PIEZO2: variants seen among roughly 807,000 people sequenced by gnomAD.
The protein encoded by PIEZO2 is piezo type mechanosensitive ion channel component 2.
In PIEZO2, 172 loss-of-function variants were observed where a neutral mutation model predicts 337.3. The observed-to-expected ratio is 0.51, with a 90% CI of 0.45 to 0.58. The LOEUF (loss-of-function observed/expected upper bound fraction) is 0.58, where lower values mean the gene tolerates loss of function less well. Ranked by LOEUF, PIEZO2 falls within the 20% of genes least tolerant of loss-of-function variation. PIEZO2 has a pLI of 0.00. For missense variants in PIEZO2, 3,028 were observed against 3,391.3 expected (o/e 0.89, Z 2.66); for synonymous variants, 1,251 against 1,228.5 (o/e 1.02, Z -0.38).
intron 3 of PIEZO2, among the ~76,000 whole-genome samples, chr18:10,918,460 C>T (rs181694775): frequency 1.5e-3 from 223 of 151,950 alleles, no homozygotes; most frequent in Non-Finnish European, 1.9e-3. Flanking sequence ...CCCATGTATC[C>T]TTTATCAGTT....
In PIEZO2 at chr18:11,066,216, G is replaced by A. The variant is rs759000106; in HGVS notation, c.71C>T (p.Ala24Val). The A allele has an allele frequency of 3.3e-6, 5 of 1,533,516 alleles. No homozygotes were observed. The African/African-American group carries it at 5.5e-5, about 17-fold the overall frequency. The allele number at this position is 1,533,516 out of a possible 1,614,324, so 95.0% of individuals were successfully genotyped here. The stretch of plus-strand genomic sequence containing the variant: ...AAAGGAGAGCCCATTGTATCGGAAT[G>A]CACATGCTGTGGGTGGGAAGAGAGA... ...LLPICLAVAC[A>V]FRYNGLSFVY... The change falls in exon 2 of 56, where the codon GCA becomes GTA. Residue 24 changes from alanine (A) to valine (V), a missense_variant. By Grantham distance (64) the Ala-to-Val change is moderately conservative. Coordinates refer to ENST00000674853, the MANE Select transcript of PIEZO2 (RefSeq NM_001378183.1).
chr18:10,802,170 T>C (rs559856026), intron 9 of PIEZO2, among the ~76,000 whole-genome samples: 6 of 152,064 alleles, frequency 3.9e-5, no homozygotes, highest in Non-Finnish European at 8.8e-5. Flanking sequence ...ATTTGCATAC[T>C]GTCTACAACA....
intron 1 of PIEZO2, among the ~76,000 whole-genome samples, chr18:11,074,121 C>T (rs1358452431): frequency 6.6e-6 from 1 of 152,222 alleles, no homozygotes; most frequent in Non-Finnish European, 1.5e-5. Context: ...GCTAGGATTA[C>T]AGGCATGAGC....
Position 10,795,343 on chromosome 18 carries a change from TTTATTTTA to T in PIEZO2, c.1528-349_1528-342del, listed in dbSNP as rs1568066489. ...TTTATTTTATTTTATTTTATTTTAT[TTTATTTTA>T]TTATTTTATTTTATTTTATTTTATT... On this transcript the variant is annotated intron_variant, in intron 12 of 55. Coordinates refer to ENST00000674853, the MANE Select transcript of PIEZO2 (RefSeq NM_001378183.1). The surrounding 1 kb of genome is among the most constrained non-coding windows in gnomAD (Gnocchi z 4.4). Among the ~76,000 whole-genome samples, 1,260 of 24,570 alleles carry T rather than the reference TTTATTTTA, an allele frequency of 0.051. 40 individuals carry two copies. The highest frequency in any genetic ancestry group is 0.13 in the African/African-American group (1,173 of 9,160). 16.1% of individuals were successfully genotyped at this position (24,570 alleles called of 152,430 possible).
chr18:10,855,517 C>A lies in PIEZO2; in HGVS notation c.753G>T (p.Leu251Phe), dbSNP rs1167583764. Residue 251 changes from leucine to phenylalanine, a missense_variant, in exon 7 of 56, where the codon TTG (leucine) becomes TTT (phenylalanine). Leu to Phe is a conservative substitution (Grantham distance 22). Coordinates refer to ENST00000674853, the MANE Select transcript of PIEZO2 (RefSeq NM_001378183.1). This position sits in a 1 kb window ranked among gnomAD's most constrained non-coding sequence, Gnocchi z 4.9. ...LTSSVYFFVF[L>F]GLCTWWSWCR... ...ACCAGGACCACCAGGTGCACAGACCCAAAAATACAAAAAAATACACAGATG... is the reference window on the plus strand; with the variant it reads ...ACCAGGACCACCAGGTGCACAGACCAAAAAATACAAAAAAATACACAGATG... The A allele has an allele frequency of 6.5e-7, 1 of 1,536,486 alleles. No homozygotes were observed. The highest frequency in any genetic ancestry group is 8.7e-7 in the Non-Finnish European group (1 of 1,146,730).
intron 4 of PIEZO2, chr18:10,908,568 T>TATACA (rs1193101917): frequency 6.6e-6 from 1 of 152,248 alleles, no homozygotes; most frequent in Non-Finnish European, 1.5e-5. Context: ...CAACTGTAAA[T>TATACA]ATACAAGAAC....
chr18:10,876,684 C>T (rs2042277765), intron 4 of PIEZO2, among the ~76,000 whole-genome samples: 1 of 152,144 alleles, frequency 6.6e-6, no homozygotes, highest in Non-Finnish European at 1.5e-5. Flanking sequence ...AATGTGGAAA[C>T]CAATGAGTTT....
intron 4 of PIEZO2, among the ~76,000 whole-genome samples, chr18:10,900,778 T>C (rs1324215491): frequency 2.0e-5 from 3 of 152,080 alleles, no homozygotes; most frequent in African/African-American, 7.2e-5. Context: ...GAATGGAAAA[T>C]AGACGTGCTC....
chr18:11,042,730 T>A (rs1422114252), intron 2 of PIEZO2, among the ~76,000 whole-genome samples: 1 of 152,220 alleles, frequency 6.6e-6, no homozygotes, highest in Admixed American at 6.5e-5. Flanking sequence ...GGTCTCAGAT[T>A]TGCTCAGATG....
At chr18:11,060,814 A>AT (rs2037923832) in intron 2 of PIEZO2, among the ~76,000 whole-genome samples, 2 of 152,202 alleles carry the variant, frequency 1.3e-5, no homozygotes, top group African/African-American at 4.8e-5. Context: ...TCACAGCCGA[A>AT]TTCTACCAGA....
chr18:10,897,301 C>T (rs561331387), intron 4 of PIEZO2, among the ~76,000 whole-genome samples: 1 of 152,250 alleles, frequency 6.6e-6, no homozygotes, highest in Admixed American at 6.5e-5. Flanking sequence ...ATTCTCCTGC[C>T]TCAGCCTCCC....
At chr18:11,065,480 T>A (rs1314680700) in intron 2 of PIEZO2, among the ~76,000 whole-genome samples, 1 of 152,258 alleles carries the variant, frequency 6.6e-6, no homozygotes, top group Non-Finnish European at 1.5e-5. Context: ...AACCAGAGCA[T>A]GTTTCCTAAT....
At chr18:10,902,529 C>T (rs2043076224) in intron 4 of PIEZO2, among the ~76,000 whole-genome samples, 1 of 152,160 alleles carries the variant, frequency 6.6e-6, no homozygotes, top group Admixed American at 6.5e-5. Context: ...ATGTTTACAT[C>T]AGATTCTCTA....
At chr18:10,869,232 A>G (rs1361962325) in intron 5 of PIEZO2, among the ~76,000 whole-genome samples, 1 of 152,206 alleles carries the variant, frequency 6.6e-6, no homozygotes. Flanking sequence ...AGAAGAAACA[A>G]TTGTCTCAGC....
intron 3 of PIEZO2, among the ~76,000 whole-genome samples, chr18:10,949,315 A>T (rs1473038879): frequency 6.6e-6 from 1 of 152,246 alleles, no homozygotes; most frequent in African/African-American, 2.4e-5. Flanking sequence ...AATACACCCT[A>T]CAAAAACAAG....
chr18:11,133,773 ATACT>A (rs1170671018), intron 1 of PIEZO2, among the ~76,000 whole-genome samples: 1 of 151,056 alleles, frequency 6.6e-6, no homozygotes, highest in African/African-American at 2.4e-5. Flanking sequence ...GCGTAAGTTA[ATACT>A]TAATAAACTC....
chr18:11,112,463 A>G lies in PIEZO2; in HGVS notation c.64+36062T>C, dbSNP rs1404073062. On this transcript the variant is annotated intron_variant, in intron 1 of 55. Transcript: ENST00000674853. This position sits in a 1 kb window ranked among gnomAD's most constrained non-coding sequence, Gnocchi z 4.3. ...CCAAAATATGTACTCCAACTCCATC[A>G]TTTATTTACATGGAACTACTGAGAG... 6.6e-6 allele frequency among the ~76,000 whole-genome samples: 1 copy of G among 152,208 alleles called. No individual in the cohort carries two copies. Among genetic ancestry groups the G allele is most frequent in the African/African-American group, 2.4e-5 (1 of 41,458 alleles).
intron 7 of PIEZO2, among the ~76,000 whole-genome samples, chr18:10,845,060 T>C (rs1204196413): frequency 6.6e-6 from 1 of 152,142 alleles, no homozygotes; most frequent in Non-Finnish European, 1.5e-5. Context: ...GGACAATGTA[T>C]TTAACTAATG....
At position 10,953,098 on chromosome 18, in the gene PIEZO2, T is replaced by C. The variant is rs2033370652; in HGVS notation, c.286+26437A>G. Among the ~76,000 whole-genome samples, 1 of 152,218 alleles carries C rather than the reference T, an allele frequency of 6.6e-6. No homozygotes were observed. The highest frequency in any genetic ancestry group is 1.5e-5 in the Non-Finnish European group (1 of 68,038). ...CATTAAAAAAAATGAGATGTTTCCT[T>C]AGTATTGAGTTTTAAGAGTTCTTCA... On this transcript the variant is annotated intron_variant, in intron 3 of 55. Coordinates refer to ENST00000674853, the MANE Select transcript of PIEZO2 (RefSeq NM_001378183.1). The surrounding 1 kb of genome is among the most constrained non-coding windows in gnomAD (Gnocchi z 5.2).
Sources: gnomAD v4.1 joint callset for allele counts (sites outside exome capture counted in the v4.1 genomes callset) on GRCh38, gnomAD v4.1.1 for gene constraint, Gnocchi (gnomAD v3.1) non-coding constraint, MANE v1.5 for transcripts, NCBI Gene and HGNC (gene_info 2026-07-23, HGNC 2026-07-21) for gene names.